CACNA2D3: variants seen among roughly 807,000 people sequenced by gnomAD.
CACNA2D3 encodes the protein calcium voltage-gated channel auxiliary subunit alpha2delta 3.
CACNA2D3 carries 60 observed loss-of-function variants against 160.6 expected under a neutral mutation model. The observed-to-expected ratio is 0.37, with a 90% CI of 0.30 to 0.46. The LOEUF (loss-of-function observed/expected upper bound fraction) is 0.46, where lower values mean the gene tolerates loss of function less well. Among genes scored for constraint, CACNA2D3 ranks in the 20% least tolerant of loss-of-function variants. CACNA2D3 has a pLI of 1.00. For missense variants in CACNA2D3, 1,205 were observed against 1,365.0 expected (o/e 0.88, Z 1.85); for synonymous variants, 558 against 492.9 (o/e 1.13, Z -1.75).
chr3:54,294,393 G>A (rs1045141609), intron 2 of CACNA2D3, among the ~76,000 whole-genome samples: 1 of 152,194 alleles, frequency 6.6e-6, no homozygotes, highest in South Asian at 2.1e-4. Flanking sequence ...GAAGACGTCT[G>A]TGCTGTCCTC....
At chr3:54,134,081 AT>A (rs1172362668) in intron 2 of CACNA2D3, among the ~76,000 whole-genome samples, 1 of 151,846 alleles carries the variant, frequency 6.6e-6, no homozygotes, top group Non-Finnish European at 1.5e-5. Flanking sequence ...ATTGGTGCTT[AT>A]TTTTTTTCCT....
rs568151317 is a variant in CACNA2D3, at chr3:54,204,375, G to T, written c.204+80781G>T. On this transcript the variant is annotated intron_variant, in intron 2 of 37. Transcript: ENST00000474759. ...GTATATGGCTCTGTTTCTGTTTTCC[G>T]GAGAACCTTGGCTAATATAAGTGCC... 6.9e-4 allele frequency among the ~76,000 whole-genome samples: 50 copies of T among 72,282 alleles called. 1 individual carries two copies. In the East Asian group the frequency reaches 0.018, roughly 27 times the overall value. 47.4% of individuals were successfully genotyped at this position (72,282 alleles called of 152,430 possible).
chr3:54,552,483 C>T (rs1702174503), intron 5 of CACNA2D3, among the ~76,000 whole-genome samples: 1 of 152,180 alleles, frequency 6.6e-6, no homozygotes. Context: ...AAATAGAGTT[C>T]AAGTCCTCTG....
At chr3:54,137,446 T>C (rs1410589462) in intron 2 of CACNA2D3, among the ~76,000 whole-genome samples, 1 of 152,206 alleles carries the variant, frequency 6.6e-6, no homozygotes, top group Non-Finnish European at 1.5e-5. Flanking sequence ...AATTGTTTAG[T>C]GAACATCAGT....
chr3:55,052,080 G>T (rs1704235421), intron 35 of CACNA2D3, among the ~76,000 whole-genome samples: 1 of 152,128 alleles, frequency 6.6e-6, no homozygotes, highest in South Asian at 2.1e-4. Flanking sequence ...TGCTCACTCT[G>T]GGAGCTGTAG....
At chr3:54,373,829 A>T (rs1045988395) in intron 3 of CACNA2D3, among the ~76,000 whole-genome samples, 1 of 152,200 alleles carries the variant, frequency 6.6e-6, no homozygotes, top group South Asian at 2.1e-4. Flanking sequence ...GCATGTTTTC[A>T]TCTTAAAGCC....
At chr3:54,327,648 A>C (rs1559450946) in intron 3 of CACNA2D3, among the ~76,000 whole-genome samples, 1 of 152,222 alleles carries the variant, frequency 6.6e-6, no homozygotes, top group Non-Finnish European at 1.5e-5. Flanking sequence ...TAAAAGTAAT[A>C]CATATTCATC....
chr3:54,751,587 C>G (rs73845449), intron 11 of CACNA2D3, among the ~76,000 whole-genome samples: 1 of 152,226 alleles, frequency 6.6e-6, no homozygotes, highest in African/African-American at 2.4e-5. Context: ...TGGAGCAGAT[C>G]GACTTCACAG....
chr3:55,028,009 T>C (rs944390468), intron 35 of CACNA2D3, among the ~76,000 whole-genome samples: 3 of 152,318 alleles, frequency 2.0e-5, no homozygotes, highest in African/African-American at 7.2e-5. Context: ...TTGCTAGAAC[T>C]AAGTAAATCA....
intron 11 of CACNA2D3, among the ~76,000 whole-genome samples, chr3:54,670,049 C>A (rs2106896302): frequency 6.6e-6 from 1 of 152,290 alleles, no homozygotes; most frequent in Admixed American, 6.5e-5. Flanking sequence ...TTGATTTCCC[C>A]ATCATATAGC....
chr3:54,388,186 A>G (rs955974528), intron 4 of CACNA2D3, among the ~76,000 whole-genome samples: 5 of 152,226 alleles, frequency 3.3e-5, no homozygotes, highest in Admixed American at 3.3e-4. Flanking sequence ...AGAGAGGAAA[A>G]CTAGGGTTTC....
chr3:54,562,771 A>G (rs755458591), intron 5 of CACNA2D3, 29 bp from the exon 6 acceptor site: 3 of 1,595,174 alleles, frequency 1.9e-6, no homozygotes, highest in Non-Finnish European at 1.7e-6. Context: ...TTTCTAATAC[A>G]CCCCTCTCTC....
intron 5 of CACNA2D3, among the ~76,000 whole-genome samples, chr3:54,556,074 A>G (rs1000277976): frequency 6.6e-6 from 1 of 152,204 alleles, no homozygotes; most frequent in Non-Finnish European, 1.5e-5. Context: ...AAAAGAATAC[A>G]TACAAACCAT....
chr3:54,613,409 A>C (rs781777576), intron 9 of CACNA2D3, among the ~76,000 whole-genome samples: 1 of 152,186 alleles, frequency 6.6e-6, no homozygotes, highest in African/African-American at 2.4e-5. Context: ...CTGAGGATGA[A>C]AATCCATGTT....
At chr3:55,046,081 T>G (rs933516106) in intron 35 of CACNA2D3, among the ~76,000 whole-genome samples, 11 of 148,870 alleles carry the variant, frequency 7.4e-5, no homozygotes, top group Admixed American at 7.3e-4. Context: ...ATAGGTTTTA[T>G]GTTACACTTT....
rs139038968 is a variant in CACNA2D3, at chr3:54,853,266, C to T, written c.1626+6799C>T. Reference sequence around the variant, plus strand: ...AAACGTCTATTGTTTAACTTCTCCCCTGTGGTCCTTTGTGAATAGCTGGGA... The same window carrying T: ...AAACGTCTATTGTTTAACTTCTCCCTTGTGGTCCTTTGTGAATAGCTGGGA... On this transcript the variant is annotated intron_variant, in intron 17 of 37. Coordinates refer to ENST00000474759, the MANE Select transcript of CACNA2D3 (RefSeq NM_018398.3). Among the ~76,000 whole-genome samples the T allele has an allele frequency of 3.6e-3, 553 of 152,260 alleles. 3 individuals carry two copies. Among genetic ancestry groups the T allele is most frequent in the African/African-American group, 0.012 (518 of 41,556 alleles).
chr3:54,929,296 T>G (rs1701120396), intron 27 of CACNA2D3, among the ~76,000 whole-genome samples: 1 of 152,136 alleles, frequency 6.6e-6, no homozygotes, highest in Non-Finnish European at 1.5e-5. Flanking sequence ...TTCATAAGTG[T>G]TCACAATTTT....
intron 25 of CACNA2D3, chr3:54,894,654 C>T (rs1700143658): frequency 2.0e-6 from 1 of 511,142 alleles, no homozygotes; most frequent in South Asian, 1.4e-5. Context: ...CGTGGCTGCA[C>T]CTGTGACCCA....
chr3:54,134,894 G>T (rs994852830), intron 2 of CACNA2D3, among the ~76,000 whole-genome samples: 1 of 152,248 alleles, frequency 6.6e-6, no homozygotes, highest in African/African-American at 2.4e-5. Flanking sequence ...CAGCTGCTGC[G>T]GGAGCACCGC....
Sources: gnomAD v4.1 joint callset for allele counts (sites outside exome capture counted in the v4.1 genomes callset) on GRCh38, gnomAD v4.1.1 for gene constraint, MANE v1.5 for transcripts, NCBI Gene and HGNC (gene_info 2026-07-23, HGNC 2026-07-21) for gene names.